Variants in GALNT13 observed in about 807,000 individuals in gnomAD.
The protein encoded by GALNT13 is polypeptide N-acetylgalactosaminyltransferase 13, also known as UDP-GalNAc:polypeptide N-acetylgalactosaminyltransferase 13.
Under a neutral mutation model 64.2 loss-of-function variants are expected in GALNT13, and 28 were observed. That is an observed-to-expected ratio of 0.44 (90% CI 0.32 to 0.60). GALNT13 has a LOEUF of 0.60. Ranked by LOEUF, GALNT13 falls within the 20% of genes least tolerant of loss-of-function variation. GALNT13 has a pLI of 0.05. For synonymous variants in GALNT13, 214 were observed against 224.6 expected (o/e 0.95, Z 0.42); for missense variants, 577 against 669.8 (o/e 0.86, Z 1.53).
the GALNT13 span, among the ~76,000 whole-genome samples, chr2:153,719,810 A>ACG: frequency 1.3e-5 from 2 of 151,460 alleles, no homozygotes; most frequent in East Asian, 3.9e-4. Flanking sequence ...GGAGGGTCCT[A>ACG]CGCCCACGGA....
chr2:154,292,755 A>T (rs1299279426), intron 8 of GALNT13, among the ~76,000 whole-genome samples: 1 of 152,236 alleles, frequency 6.6e-6, no homozygotes, highest in Admixed American at 6.5e-5. Flanking sequence ...TAGGGGAAAG[A>T]TAAAGATTAA....
At chr2:153,588,737 C>T in the GALNT13 span, among the ~76,000 whole-genome samples, 1 of 152,214 alleles carries the variant, frequency 6.6e-6, no homozygotes, top group Non-Finnish European at 1.5e-5. Flanking sequence ...TGAATTTCTC[C>T]TCAGAAAATA....
At chr2:153,342,151 C>G in the GALNT13 span, among the ~76,000 whole-genome samples, 312 of 152,296 alleles carry the variant, frequency 2.0e-3, 2 homozygotes, top group African/African-American at 7.2e-3. Context: ...GGAGCAGACA[C>G]AGTGAAGCTT....
At chr2:153,311,901 T>C in the GALNT13 span, among the ~76,000 whole-genome samples, 1 of 152,192 alleles carries the variant, frequency 6.6e-6, no homozygotes, top group Non-Finnish European at 1.5e-5. Flanking sequence ...ATATATGTTT[T>C]TATGAAGATC....
At chr2:153,239,983 C>T in the GALNT13 span, among the ~76,000 whole-genome samples, 18 of 152,120 alleles carry the variant, frequency 1.2e-4, no homozygotes, top group Non-Finnish European at 1.9e-4. Flanking sequence ...TGTGTTACAG[C>T]GCCAATCTCA....
intron 4 of GALNT13, among the ~76,000 whole-genome samples, chr2:154,170,222 C>A (rs1426647821): frequency 6.6e-6 from 1 of 152,118 alleles, no homozygotes; most frequent in Admixed American, 6.6e-5. Context: ...ATGGTGCCTG[C>A]CCACATTGGA....
At chr2:153,233,758 T>C in the GALNT13 span, among the ~76,000 whole-genome samples, 1 of 152,188 alleles carries the variant, frequency 6.6e-6, no homozygotes, top group Non-Finnish European at 1.5e-5. Flanking sequence ...AAAGAGAAGA[T>C]GGCAGAAATG....
At chr2:153,686,106 G>C in the GALNT13 span, among the ~76,000 whole-genome samples, 2 of 152,022 alleles carry the variant, frequency 1.3e-5, no homozygotes, top group East Asian at 3.9e-4. Context: ...TTTTTGCTTA[G>C]GATTTCCTTG....
chr2:154,281,807 C>G (rs1422050284), intron 8 of GALNT13, among the ~76,000 whole-genome samples: 1 of 151,970 alleles, frequency 6.6e-6, no homozygotes, highest in African/African-American at 2.4e-5. Context: ...TTTCCTCTCC[C>G]TTTCCGCACC....
chr2:153,563,877 A>G, the GALNT13 span, among the ~76,000 whole-genome samples: 1 of 152,050 alleles, frequency 6.6e-6, no homozygotes, highest in Admixed American at 6.6e-5. Flanking sequence ...GTAGGTCCTC[A>G]TAGTTTTTTG....
intron 4 of GALNT13, among the ~76,000 whole-genome samples, chr2:154,212,347 C>T (rs1013043490): frequency 1.4e-4 from 22 of 151,828 alleles, no homozygotes; most frequent in African/African-American, 3.6e-4. Flanking sequence ...TGGGTTAAAG[C>T]GATTCTCCTA....
At chr2:154,144,320 G>A (rs940117993) in intron 4 of GALNT13, among the ~76,000 whole-genome samples, 2 of 151,994 alleles carry the variant, frequency 1.3e-5, no homozygotes, top group African/African-American at 4.8e-5. Context: ...TTATTTAAAA[G>A]ATGTAGAAAT....
chr2:153,770,114 C>T, the GALNT13 span, among the ~76,000 whole-genome samples: 1 of 152,092 alleles, frequency 6.6e-6, no homozygotes, highest in Middle Eastern at 3.2e-3. Context: ...AATGTAGTGC[C>T]TTGAAGGCAT....
chr2:153,159,326 A>T, the GALNT13 span: 1 of 152,264 alleles, frequency 6.6e-6, no homozygotes, highest in African/African-American at 2.4e-5. Flanking sequence ...TGAATGAGCA[A>T]AAAAAGAAAT....
At chr2:153,265,998 C>T in the GALNT13 span, among the ~76,000 whole-genome samples, 1 of 151,980 alleles carries the variant, frequency 6.6e-6, no homozygotes, top group Non-Finnish European at 1.5e-5. Context: ...ATAAAGTATT[C>T]TTGAAGATAT....
At chr2:153,189,338 T>G in the GALNT13 span, among the ~76,000 whole-genome samples, 1 of 152,282 alleles carries the variant, frequency 6.6e-6, no homozygotes, top group South Asian at 2.1e-4. Context: ...TCTTTCTGTG[T>G]CTGGCTTATT....
chr2:153,694,106 C>T, the GALNT13 span, among the ~76,000 whole-genome samples: 2 of 152,038 alleles, frequency 1.3e-5, no homozygotes, highest in Non-Finnish European at 1.5e-5. Context: ...AGACTCCATC[C>T]CAAAAACAAA....
chr2:153,244,120 AG>A, the GALNT13 span, among the ~76,000 whole-genome samples: 1 of 149,860 alleles, frequency 6.7e-6, no homozygotes, highest in East Asian at 1.9e-4. Flanking sequence ...ATTGGGGGGA[AG>A]GGAACGAGAA....
At chr2:153,584,242 T>C in the GALNT13 span, among the ~76,000 whole-genome samples, 1 of 152,156 alleles carries the variant, frequency 6.6e-6, no homozygotes. Context: ...GACTGGTGTA[T>C]GCATCCATTA....
Sources: allele counts gnomAD v4.1 joint callset (sites outside exome capture counted in the v4.1 genomes callset), GRCh38; gene constraint gnomAD v4.1.1; transcripts MANE v1.5; gene names NCBI Gene and HGNC (gene_info 2026-07-23, HGNC 2026-07-21).